The following VWA3B variants were observed in gnomAD, a reference collection of about 807,000 sequenced individuals.
VWA3B encodes the protein von Willebrand factor A domain containing 3B.
VWA3B carries 138 observed loss-of-function variants against 158.3 expected under a neutral mutation model. That is an observed-to-expected ratio of 0.87 (90% confidence interval 0.76 to 1.00). The LOEUF (loss-of-function observed/expected upper bound fraction) is 1.00. Among genes scored for constraint, VWA3B ranks in the 50% least tolerant of loss-of-function variants. The probability of loss-of-function intolerance (pLI) is 0.00; values close to 1 mark genes in which losing one functional copy is unlikely to be tolerated. For synonymous variants in VWA3B, 596 were observed against 587.3 expected, an observed-to-expected ratio of 1.01 and a Z score of -0.21; for missense variants, 1,555 against 1,565.1, an observed-to-expected ratio of 0.99 and a Z score of 0.11.
intron 2 of VWA3B, among the ~76,000 whole-genome samples, chr2:98,109,699 A>G (rs1439403191): frequency 6.6e-6 from 1 of 151,918 alleles, no homozygotes; most frequent in Non-Finnish European, 1.5e-5. Context: ...GCTAGCCACA[A>G]ATTCCTTTAG....
At chr2:98,251,459 C>T (rs2105804849) in intron 20 of VWA3B, among the ~76,000 whole-genome samples, 1 of 152,264 alleles carries the variant, frequency 6.6e-6, no homozygotes, top group South Asian at 2.1e-4. Flanking sequence ...ACTCTGCTCA[C>T]AGGCTGGTCC....
chr2:98,312,431 C>T lies in VWA3B; in HGVS notation c.*82C>T. 4.0e-6 allele frequency: 6 copies of T among 1,509,322 alleles called. No homozygotes were observed. The highest frequency in any genetic ancestry group is 4.4e-6 in the Non-Finnish European group (5 of 1,129,980). 93.5% of individuals were successfully genotyped at this position (1,509,322 alleles called of 1,614,324 possible). Reference sequence around the variant, plus strand: ...CTCAGCGTTGACACTGAAACTGGCCCCTCCGCGGAGGTAAGGCCGCCCTCC... The same window carrying T: ...CTCAGCGTTGACACTGAAACTGGCCTCTCCGCGGAGGTAAGGCCGCCCTCC... On this transcript the variant is annotated 3_prime_UTR_variant, in exon 28 of 28. Transcript: ENST00000477737.
chr2:98,216,894 A>G, intron 13 of VWA3B: 1 of 1,287,090 alleles, frequency 7.8e-7, no homozygotes, highest in East Asian at 5.6e-5. Flanking sequence ...CTTCAAGCCC[A>G]AGTCTCTCGC....
chr2:98,108,673 T>C (rs1343292413), intron 2 of VWA3B, among the ~76,000 whole-genome samples: 2 of 152,142 alleles, frequency 1.3e-5, no homozygotes, highest in Non-Finnish European at 2.9e-5. Flanking sequence ...TATTTCCTTT[T>C]TTTAAATATT....
intron 10 of VWA3B, among the ~76,000 whole-genome samples, chr2:98,188,568 C>G (rs970994177): frequency 1.2e-4 from 19 of 152,136 alleles, no homozygotes; most frequent in Admixed American, 1.2e-3. Context: ...TTTTTAGCTC[C>G]CACATATGAA....
chr2:98,261,516 G>A (rs574522010), intron 21 of VWA3B, among the ~76,000 whole-genome samples: 2 of 151,662 alleles, frequency 1.3e-5, no homozygotes, highest in East Asian at 3.9e-4. Flanking sequence ...TCTTCATATG[G>A]CTTAGAATTA....
chr2:98,263,544 T>C (rs1687609162), intron 21 of VWA3B, among the ~76,000 whole-genome samples: 1 of 152,056 alleles, frequency 6.6e-6, no homozygotes, highest in African/African-American at 2.4e-5. Flanking sequence ...TATATTACAT[T>C]AATTTTCATA....
chr2:98,199,853 A>T (rs1682379121), intron 12 of VWA3B, among the ~76,000 whole-genome samples: 1 of 152,244 alleles, frequency 6.6e-6, no homozygotes, highest in African/African-American at 2.4e-5. Flanking sequence ...CTTCATTTGA[A>T]TATAAATAAA....
At chr2:98,315,112 T>A (rs1452102331), downstream of VWA3B, among the ~76,000 whole-genome samples, 2 of 152,182 alleles carry the variant, frequency 1.3e-5, no homozygotes, top group African/African-American at 4.8e-5. Flanking sequence ...ACCATTTAAA[T>A]CTCCTTTAAA....
chr2:98,109,565 ACTGT>A (rs1032795587), intron 2 of VWA3B, among the ~76,000 whole-genome samples: 1 of 152,174 alleles, frequency 6.6e-6, no homozygotes, highest in African/African-American at 2.4e-5. Context: ...AAGGAGAAGG[ACTGT>A]CTATTTTATT....
chr2:98,311,905 A>G lies in VWA3B; in HGVS notation c.3608A>G (p.Glu1203Gly), dbSNP rs1690919467. ...DTQDSREPRR[E>G]KPRRKKRPAK... ...CAGGATTCCAGAGAGCCAAGACGAGAGAAGCCCAGGAGGAAAAAGAGGCCC... is the reference window on the plus strand; with the variant it reads ...CAGGATTCCAGAGAGCCAAGACGAGGGAAGCCCAGGAGGAAAAAGAGGCCC... Residue 1203 changes from glutamate to glycine, a missense_variant, in exon 27 of 28, where the codon GAG (glutamate) becomes GGG (glycine). Coordinates refer to ENST00000477737, the MANE Select transcript of VWA3B (RefSeq NM_144992.5). 1 of 1,611,246 alleles carries G rather than the reference A, an allele frequency of 6.2e-7. No homozygotes were observed. Among genetic ancestry groups the G allele is most frequent in the South Asian group, 1.1e-5 (1 of 90,580 alleles).
intron 21 of VWA3B, among the ~76,000 whole-genome samples, chr2:98,267,713 G>C (rs1027093133): frequency 6.6e-6 from 1 of 151,846 alleles, no homozygotes; most frequent in African/African-American, 2.4e-5. Context: ...AGGAAATAGA[G>C]ACACAAAAAA....
chr2:98,328,004 A>G, the VWA3B span, among the ~76,000 whole-genome samples: 1 of 151,950 alleles, frequency 6.6e-6, no homozygotes, highest in Non-Finnish European at 1.5e-5. Flanking sequence ...CAACATCACC[A>G]AGGCACCTGT....
chr2:98,113,710 TTCTC>T, intron 2 of VWA3B, among the ~76,000 whole-genome samples: 1 of 152,318 alleles, frequency 6.6e-6, no homozygotes, highest in East Asian at 1.9e-4. Context: ...CCCCTAAACT[TTCTC>T]TATAGATTTG....
chr2:98,183,838 G>A (rs1248212782), intron 9 of VWA3B, among the ~76,000 whole-genome samples: 2 of 152,176 alleles, frequency 1.3e-5, no homozygotes, highest in Non-Finnish European at 2.9e-5. Context: ...TTGTGAAATG[G>A]GTAGTGTAAA....
At chr2:98,172,623 C>T (rs1007934208) in intron 8 of VWA3B, among the ~76,000 whole-genome samples, 2 of 152,172 alleles carry the variant, frequency 1.3e-5, no homozygotes, top group East Asian at 1.9e-4. Context: ...ACTTCCATAT[C>T]GTTTAAAGGG....
chr2:98,160,825 A>G (rs796561287), intron 7 of VWA3B, among the ~76,000 whole-genome samples: 37 of 152,322 alleles, frequency 2.4e-4, no homozygotes, highest in African/African-American at 7.9e-4. Context: ...GTTGATGGCC[A>G]CAGAGCCATG....
At chr2:98,185,105 G>C (rs981417563) in intron 9 of VWA3B, among the ~76,000 whole-genome samples, 9 of 152,120 alleles carry the variant, frequency 5.9e-5, no homozygotes, top group African/African-American at 2.2e-4. Flanking sequence ...CATGCCCTCA[G>C]CCTTGTCATT....
At chr2:98,278,220 C>T (rs1688649466) in intron 22 of VWA3B, among the ~76,000 whole-genome samples, 1 of 152,182 alleles carries the variant, frequency 6.6e-6, no homozygotes. Flanking sequence ...TGGCTCTCAG[C>T]CCCTCTCGGG....
Sources: allele counts gnomAD v4.1 joint callset (sites outside exome capture counted in the v4.1 genomes callset), GRCh38; gene constraint gnomAD v4.1.1; transcripts MANE v1.5; gene names NCBI Gene and HGNC (gene_info 2026-07-23, HGNC 2026-07-21).